The following TACR1 variants were observed in gnomAD, a reference collection of about 807,000 sequenced individuals.
The protein encoded by TACR1 is substance-P receptor.
Under a neutral mutation model 35.8 loss-of-function variants are expected in TACR1, and 25 were observed. The ratio of observed to expected loss-of-function variants is 0.70; its 90% CI spans 0.51 to 0.98. The LOEUF is 0.98. Among genes scored for constraint, TACR1 ranks in the 50% least tolerant of loss-of-function variants. TACR1 has a pLI of 0.00. For missense variants in TACR1, 478 were observed against 522.9 expected (o/e 0.91, Z 0.84); for synonymous variants, 195 against 206.7 (o/e 0.94, Z 0.48).
chr2:75,150,399 G>T (rs995258390), intron 1 of TACR1, among the ~76,000 whole-genome samples: 9 of 152,208 alleles, frequency 5.9e-5, no homozygotes, highest in African/African-American at 9.6e-5. Context: ...GACCCAGGGG[G>T]AGGTAATTGA....
chr2:75,163,939 T>G (rs989958281), intron 1 of TACR1, among the ~76,000 whole-genome samples: 1 of 151,948 alleles, frequency 6.6e-6, no homozygotes, highest in African/African-American at 2.4e-5. Flanking sequence ...TTTCATGAAG[T>G]GATATAAAAT....
intron 1 of TACR1, among the ~76,000 whole-genome samples, chr2:75,146,519 G>C (rs1467778830): frequency 6.6e-6 from 1 of 152,214 alleles, no homozygotes; most frequent in Non-Finnish European, 1.5e-5. Flanking sequence ...TAAGGATGAA[G>C]AAGAGTCCGC....
intron 1 of TACR1, among the ~76,000 whole-genome samples, chr2:75,154,749 C>T (rs1464637465): frequency 6.6e-6 from 1 of 151,994 alleles, no homozygotes; most frequent in African/African-American, 2.4e-5. Context: ...GGCCCCAGGT[C>T]TCTCCCTGTC....
At chr2:75,131,129 C>T (rs1012503577) in intron 1 of TACR1, among the ~76,000 whole-genome samples, 57 of 151,586 alleles carry the variant, frequency 3.8e-4, no homozygotes, top group African/African-American at 1.4e-3. Context: ...CTCTCTGTCA[C>T]CCAGGCTGGA....
At chr2:75,088,848 C>T (rs1171827593) in intron 2 of TACR1, among the ~76,000 whole-genome samples, 1 of 152,080 alleles carries the variant, frequency 6.6e-6, no homozygotes, top group East Asian at 1.9e-4. Context: ...CCTGCAATTT[C>T]CTTCTCTCTA....
intron 1 of TACR1, among the ~76,000 whole-genome samples, chr2:75,155,736 T>C (rs1018375014): frequency 6.6e-6 from 1 of 152,010 alleles, no homozygotes; most frequent in Non-Finnish European, 1.5e-5. Context: ...AAAAGGAGAG[T>C]GGTCAAATGT....
At chr2:75,125,324 C>T (rs1674051692) in intron 1 of TACR1, among the ~76,000 whole-genome samples, 1 of 152,054 alleles carries the variant, frequency 6.6e-6, no homozygotes, top group Admixed American at 6.6e-5. Context: ...GCTGGGATTA[C>T]AGGTGCCTGC....
intron 1 of TACR1, among the ~76,000 whole-genome samples, chr2:75,192,154 G>A (rs1675861409): frequency 6.6e-6 from 1 of 152,056 alleles, no homozygotes; most frequent in Non-Finnish European, 1.5e-5. Flanking sequence ...TGGTAGTAAG[G>A]TAACTCTGTT....
chr2:75,173,475 T>C (rs1021879338), intron 1 of TACR1, among the ~76,000 whole-genome samples: 3 of 152,180 alleles, frequency 2.0e-5, no homozygotes, highest in African/African-American at 7.2e-5. Context: ...TATCAAACCA[T>C]GAATAATAAT....
intron 2 of TACR1, among the ~76,000 whole-genome samples, chr2:75,075,843 C>T (rs997583128): frequency 2.0e-5 from 3 of 152,238 alleles, no homozygotes; most frequent in East Asian, 1.9e-4. Context: ...AGACAAATGA[C>T]GTTAAAGCAA....
chr2:75,117,635 A>T (rs1413207232), intron 2 of TACR1, among the ~76,000 whole-genome samples: 1 of 152,142 alleles, frequency 6.6e-6, no homozygotes, highest in Non-Finnish European at 1.5e-5. Flanking sequence ...ATCCAGATAA[A>T]CCCATCATAA....
chr2:75,113,510 C>T (rs1264861738), intron 2 of TACR1, among the ~76,000 whole-genome samples: 1 of 138,040 alleles, frequency 7.2e-6, no homozygotes, highest in Non-Finnish European at 1.6e-5. Flanking sequence ...GTAACGTTGG[C>T]TTTCCTCCTT....
rs182403820 is a variant in TACR1 at position 75,192,984 on chromosome 2, G to A, written c.389+5562C>T. On this transcript the variant is annotated intron_variant, in intron 1 of 4. Coordinates refer to ENST00000305249, the MANE Select transcript of TACR1 (RefSeq NM_001058.4). ...CAAAACTCCACATTCATTTCCCTGT[G>A]CCTTGCTGCCTCTCTTCCTCTTTGT... 5.9e-5 allele frequency among the ~76,000 whole-genome samples: 9 copies of A among 152,078 alleles called. No individual in the cohort carries two copies. In the East Asian group the frequency reaches 1.7e-3, roughly 29 times the overall value.
chr2:75,163,843 A>C (rs1675072050), intron 1 of TACR1, among the ~76,000 whole-genome samples: 1 of 152,230 alleles, frequency 6.6e-6, no homozygotes. Flanking sequence ...GATTCAATGA[A>C]ATTTAAAATG....
At chr2:75,086,977 G>T (rs1673201218) in intron 2 of TACR1, among the ~76,000 whole-genome samples, 1 of 152,090 alleles carries the variant, frequency 6.6e-6, no homozygotes, top group Admixed American at 6.5e-5. Context: ...GCCCAATATG[G>T]TAGCCACATG....
chr2:75,094,280 C>G (rs1198703069), intron 2 of TACR1, among the ~76,000 whole-genome samples: 1 of 152,150 alleles, frequency 6.6e-6, no homozygotes, highest in Non-Finnish European at 1.5e-5. Flanking sequence ...CATAAATACT[C>G]TTTGAATTAA....
At chr2:75,182,846 A>C (rs934278791) in intron 1 of TACR1, among the ~76,000 whole-genome samples, 1 of 152,232 alleles carries the variant, frequency 6.6e-6, no homozygotes, top group African/African-American at 2.4e-5. Context: ...ATTTCTCAGA[A>C]TGTATCCCCA....
chr2:75,077,380 AAC>A (rs1457849890), intron 2 of TACR1, among the ~76,000 whole-genome samples: 2 of 152,218 alleles, frequency 1.3e-5, no homozygotes, highest in Non-Finnish European at 2.9e-5. Flanking sequence ...TTTGTACTAT[AAC>A]CACCTTCTCC....
In TACR1 at chr2:75,150,414, T is replaced by C. The variant is rs141910540; in HGVS notation, c.390-29646A>G. Reference sequence around the variant, plus strand: ...GACCCAGGGGGAGGTAATTGAATCATAGGGGCCTGTCTTTCCCATGCTTTT... The same window carrying C: ...GACCCAGGGGGAGGTAATTGAATCACAGGGGCCTGTCTTTCCCATGCTTTT... On this transcript the variant is annotated intron_variant, in intron 1 of 4. Coordinates refer to ENST00000305249, the MANE Select transcript of TACR1 (RefSeq NM_001058.4). Among the ~76,000 whole-genome samples, 40 of 152,316 alleles carry C rather than the reference T, an allele frequency of 2.6e-4. No homozygotes were observed. In the East Asian group the frequency reaches 4.2e-3, roughly 16 times the overall value.
Sources: allele counts gnomAD v4.1 joint callset (sites outside exome capture counted in the v4.1 genomes callset), GRCh38; gene constraint gnomAD v4.1.1; transcripts MANE v1.5; gene names NCBI Gene and HGNC (gene_info 2026-07-23, HGNC 2026-07-21).